The following FIGN variants were observed in gnomAD, a reference collection of about 807,000 sequenced individuals.
FIGN encodes the protein fidgetin, microtubule severing factor.
FIGN carries 11 observed loss-of-function variants against 51.3 expected under a neutral mutation model. The ratio of observed to expected loss-of-function variants is 0.21; its 90% CI spans 0.13 to 0.35. The LOEUF is 0.35. Ranked by LOEUF, FIGN falls within the 10% of genes least tolerant of loss-of-function variation. FIGN has a pLI of 1.00. For missense variants in FIGN, 857 were observed against 943.6 expected (o/e 0.91, Z 1.20); for synonymous variants, 407 against 363.2 (o/e 1.12, Z -1.37).
At chr2:163,699,111 T>G (rs1684368181) in intron 2 of FIGN, among the ~76,000 whole-genome samples, 1 of 152,044 alleles carries the variant, frequency 6.6e-6, no homozygotes, top group East Asian at 1.9e-4. Flanking sequence ...GAAAGCACAC[T>G]CTACACAGAA....
chr2:163,617,275 A>G (rs759793562), intron 2 of FIGN: 53 of 976,156 alleles, frequency 5.4e-5, no homozygotes, highest in Non-Finnish European at 6.3e-5. Flanking sequence ...GAGGACCAAA[A>G]TTAGAAGATT....
intron 2 of FIGN, among the ~76,000 whole-genome samples, chr2:163,631,075 C>A (rs530303827): frequency 6.6e-6 from 1 of 152,078 alleles, no homozygotes; most frequent in South Asian, 2.1e-4. Context: ...GAGAGTTATT[C>A]TAGGAGGGCA....
intron 2 of FIGN, among the ~76,000 whole-genome samples, chr2:163,727,720 G>A (rs973261570): frequency 1.3e-5 from 2 of 152,154 alleles, no homozygotes; most frequent in African/African-American, 4.8e-5. Flanking sequence ...AGAGTCATCT[G>A]ATGTGAGAAA....
intron 2 of FIGN, among the ~76,000 whole-genome samples, chr2:163,683,083 T>C (rs983857632): frequency 6.6e-6 from 1 of 152,142 alleles, no homozygotes; most frequent in South Asian, 2.1e-4. Context: ...GGGAGACATA[T>C]GGGTTGGAGG....
chr2:163,620,851 T>TTGTGTATGTG (rs1682957045), intron 2 of FIGN, among the ~76,000 whole-genome samples: 1 of 147,486 alleles, frequency 6.8e-6, no homozygotes, highest in South Asian at 2.2e-4. Context: ...GTGTAAATAT[T>TTGTGTATGTG]TGTGTGTGTG....
intron 2 of FIGN, among the ~76,000 whole-genome samples, chr2:163,676,183 C>T (rs1219380288): frequency 4.0e-5 from 6 of 151,452 alleles, no homozygotes; most frequent in Non-Finnish European, 8.8e-5. Context: ...AAATTCATTA[C>T]ATAATGTTTC....
At chr2:163,671,520 C>G (rs764054572) in intron 2 of FIGN, among the ~76,000 whole-genome samples, 2 of 152,146 alleles carry the variant, frequency 1.3e-5, no homozygotes, top group African/African-American at 4.8e-5. Context: ...GATTTACAGT[C>G]ATTTACAGAG....
chr2:163,672,910 T>C (rs1261005988), intron 2 of FIGN, among the ~76,000 whole-genome samples: 1 of 152,326 alleles, frequency 6.6e-6, no homozygotes, highest in African/African-American at 2.4e-5. Flanking sequence ...TTTCTTTAAA[T>C]GGCCATTTCT....
At chr2:163,620,650 A>G (rs1682952783) in intron 2 of FIGN, among the ~76,000 whole-genome samples, 1 of 152,166 alleles carries the variant, frequency 6.6e-6, no homozygotes, top group African/African-American at 2.4e-5. Flanking sequence ...GATAATAATT[A>G]TCATCATCCT....
intron 2 of FIGN, among the ~76,000 whole-genome samples, chr2:163,676,749 T>C (rs1184837522): frequency 6.6e-6 from 1 of 152,030 alleles, no homozygotes; most frequent in Non-Finnish European, 1.5e-5. Context: ...AAGTCATCTG[T>C]TAGCCTGAAA....
chr2:163,685,460 G>A (rs1413231133), intron 2 of FIGN, among the ~76,000 whole-genome samples: 2 of 152,030 alleles, frequency 1.3e-5, no homozygotes, highest in Non-Finnish European at 1.5e-5. Flanking sequence ...ATGTTTGGCC[G>A]TGTTCCCCTT....
intron 2 of FIGN, among the ~76,000 whole-genome samples, chr2:163,639,931 T>C (rs1470312572): frequency 6.6e-6 from 1 of 152,200 alleles, no homozygotes; most frequent in Non-Finnish European, 1.5e-5. Context: ...ATAAAGCAGC[T>C]TAGCTTAATA....
chr2:163,662,715 C>A (rs1683709282), intron 2 of FIGN, among the ~76,000 whole-genome samples: 1 of 152,150 alleles, frequency 6.6e-6, no homozygotes, highest in African/African-American at 2.4e-5. Flanking sequence ...TGGCTGTGTC[C>A]CCACACAAAT....
intron 2 of FIGN, among the ~76,000 whole-genome samples, chr2:163,698,583 C>T (rs1037879724): frequency 6.6e-6 from 1 of 152,102 alleles, no homozygotes; most frequent in Non-Finnish European, 1.5e-5. Context: ...ACACCACCTT[C>T]CCTGCTTGCT....
chr2:163,670,052 T>C (rs1240281777), intron 2 of FIGN, among the ~76,000 whole-genome samples: 1 of 152,224 alleles, frequency 6.6e-6, no homozygotes, highest in Admixed American at 6.5e-5. Flanking sequence ...TTATGTTTTT[T>C]ATTATATAGA....
chr2:163,622,159 CA>C (rs1308930787), intron 2 of FIGN, among the ~76,000 whole-genome samples: 11 of 151,972 alleles, frequency 7.2e-5, no homozygotes, highest in African/African-American at 2.7e-4. Flanking sequence ...TCTAATATAG[CA>C]ACTAAAATTA....
chr2:163,690,600 C>T (rs1207236555), intron 2 of FIGN, among the ~76,000 whole-genome samples: 4 of 151,940 alleles, frequency 2.6e-5, no homozygotes, highest in Non-Finnish European at 5.9e-5. Flanking sequence ...GTCTAGGCAA[C>T]AGTACAGAAC....
intron 2 of FIGN, among the ~76,000 whole-genome samples, chr2:163,616,403 A>G (rs543574130): frequency 6.6e-6 from 1 of 152,338 alleles, no homozygotes; most frequent in South Asian, 2.1e-4. Flanking sequence ...TGAGGCACTC[A>G]CTACCCAACC....
Position 163,611,418 on chromosome 2 carries a change from G to C in FIGN, c.414C>G (p.Ala138=). The C allele has an allele frequency of 6.2e-7, 1 of 1,614,124 alleles. No homozygotes were observed. The highest frequency in any genetic ancestry group is 8.5e-7 in the Non-Finnish European group (1 of 1,180,018). ...ITASKAGVSS[A]LPPADVSASI... ...TCGCAGAGACATCTGCTGGAGGGAG[G>C]GCTGAACTGACTCCAGCTTTGCTGG... Residue 138 remains alanine, a synonymous_variant, in exon 3 of 3, where the codon GCC becomes GCG. Coordinates refer to ENST00000333129, the MANE Select transcript of FIGN (RefSeq NM_018086.4).
Sources: gnomAD v4.1 joint callset for allele counts (sites outside exome capture counted in the v4.1 genomes callset) on GRCh38, gnomAD v4.1.1 for gene constraint, MANE v1.5 for transcripts, NCBI Gene and HGNC (gene_info 2026-07-23, HGNC 2026-07-21) for gene names.